The following PLPPR5 variants were observed in gnomAD, a reference collection of about 807,000 sequenced individuals.
PLPPR5 encodes the protein phospholipid phosphatase related 5.
PLPPR5 carries 16 observed loss-of-function variants against 33.9 expected under a neutral mutation model. The ratio of observed to expected loss-of-function variants is 0.47; its 90% CI spans 0.32 to 0.72. The LOEUF (loss-of-function observed/expected upper bound fraction) is 0.72, where lower values mean the gene tolerates loss of function less well. PLPPR5 is among the 30% of genes least tolerant of loss of function. The pLI, the probability that PLPPR5 is intolerant of heterozygous loss-of-function variation, is 0.03. For synonymous variants in PLPPR5, 163 were observed against 150.3 expected, an observed-to-expected ratio of 1.08 and a Z score of -0.62; for missense variants, 301 against 406.7, an observed-to-expected ratio of 0.74 and a Z score of 2.23.
rs185679472 is a variant in PLPPR5, at chr1:98,944,992, G to T, written c.621+8078C>A. On this transcript the variant is annotated intron_variant, in intron 3 of 5. Coordinates refer to ENST00000263177, the MANE Select transcript of PLPPR5 (RefSeq NM_001037317.2). ...ATCAAATGACCATGTATTCAGAGCT[G>T]CTCATTATAAGTTGTTGTTGTTTTT... 9.2e-5 allele frequency among the ~76,000 whole-genome samples: 14 copies of T among 152,324 alleles called. No individual in the cohort carries two copies. The East Asian group carries it at 2.7e-3, about 29-fold the overall frequency.
intron 5 of PLPPR5, among the ~76,000 whole-genome samples, chr1:98,895,604 A>G (rs2101130296): frequency 6.6e-6 from 1 of 152,156 alleles, no homozygotes; most frequent in South Asian, 2.1e-4. Context: ...CTATGCAAAA[A>G]TATCACCAAG....
chr1:98,950,641 T>C (rs529775522), intron 3 of PLPPR5, among the ~76,000 whole-genome samples: 2 of 152,296 alleles, frequency 1.3e-5, no homozygotes, highest in East Asian at 3.9e-4. Flanking sequence ...TGGCAAACAT[T>C]GGTTACACAG....
intron 1 of PLPPR5, among the ~76,000 whole-genome samples, chr1:98,967,080 G>A (rs1651475960): frequency 6.6e-6 from 1 of 152,074 alleles, no homozygotes; most frequent in Non-Finnish European, 1.5e-5. Context: ...TATGTTAAAA[G>A]GGATTTTTAG....
At chr1:98,934,663 G>T (rs1001724203) in intron 3 of PLPPR5, among the ~76,000 whole-genome samples, 1 of 152,148 alleles carries the variant, frequency 6.6e-6, no homozygotes, top group Non-Finnish European at 1.5e-5. Flanking sequence ...ATGTTGAAGA[G>T]CACAAATCAC....
At chr1:98,903,672 C>T (rs1053286670) in intron 5 of PLPPR5, among the ~76,000 whole-genome samples, 3 of 151,792 alleles carry the variant, frequency 2.0e-5, no homozygotes, top group East Asian at 1.9e-4. Context: ...ATGATTGTTG[C>T]GGGAGGGAAC....
chr1:98,892,934 T>A lies in PLPPR5; in HGVS notation c.*138A>T, dbSNP rs1570673600. The A allele has an allele frequency of 1.1e-5, 9 of 842,742 alleles. No homozygotes were observed. In the South Asian group the frequency reaches 1.3e-4, roughly 12 times the overall value. 52.2% of individuals were successfully genotyped at this position (842,742 alleles called of 1,614,324 possible). A position where few individuals can be genotyped will look rare whatever the true frequency, so the allele number is the denominator to read the frequency against. ...CAGTCTAGTGGGGGAAACAGATAGG[T>A]TGACATTGATTTTAAAATTATAAAA... is the stretch of plus-strand genomic sequence containing the variant. On this transcript the variant is annotated 3_prime_UTR_variant, in exon 6 of 6. Coordinates refer to ENST00000263177, the MANE Select transcript of PLPPR5 (RefSeq NM_001037317.2).
chr1:98,916,519 G>A (rs1194948188), intron 4 of PLPPR5, among the ~76,000 whole-genome samples: 1 of 152,244 alleles, frequency 6.6e-6, no homozygotes, highest in Non-Finnish European at 1.5e-5. Context: ...TGGCTTTGCA[G>A]CCTTACAACC....
In PLPPR5 at chr1:98,987,956, C is replaced by T. The variant is rs1039776945; in HGVS notation, c.237+16479G>A. 3.3e-5 allele frequency among the ~76,000 whole-genome samples: 5 copies of T among 151,914 alleles called. 1 individual carries two copies. The highest frequency in any genetic ancestry group is 6.6e-5 in the Admixed American group (1 of 15,230). ...GAAATATTTACTTTTTCTCCATAACCGATCTCTCCAGAATTTGGAAACTAT... is the reference window on the plus strand; with the variant it reads ...GAAATATTTACTTTTTCTCCATAACTGATCTCTCCAGAATTTGGAAACTAT... On this transcript the variant is annotated intron_variant, in intron 1 of 5. Coordinates refer to ENST00000263177, the MANE Select transcript of PLPPR5 (RefSeq NM_001037317.2).
intron 1 of PLPPR5, among the ~76,000 whole-genome samples, chr1:98,962,574 T>A (rs1234055378): frequency 6.6e-6 from 1 of 152,216 alleles, no homozygotes; most frequent in Non-Finnish European, 1.5e-5. Flanking sequence ...CCTTTGTGCT[T>A]CCATTTTCTC....
Position 98,914,753 on chromosome 1 carries a change from T to C in PLPPR5, c.933+33A>G, listed in dbSNP as rs1293333452. 3 of 1,573,334 alleles carry C rather than the reference T, an allele frequency of 1.9e-6. No individual in the cohort carries two copies. In the African/African-American group the frequency reaches 4.1e-5, roughly 21 times the overall value. On this transcript the variant is annotated intron_variant, in intron 5 of 5. Transcript: ENST00000263177. Reference sequence around the variant, plus strand: ...AGGAATAATGATTCATTTGCTCTAGTTATTATAATTTAGAATTTAAATTGT... The same window carrying C: ...AGGAATAATGATTCATTTGCTCTAGCTATTATAATTTAGAATTTAAATTGT...
At chr1:98,985,225 G>C (rs1273107178) in intron 1 of PLPPR5, among the ~76,000 whole-genome samples, 1 of 151,966 alleles carries the variant, frequency 6.6e-6, no homozygotes, top group African/African-American at 2.4e-5. Context: ...GGAGAGGATT[G>C]ATAATAACTG....
intron 2 of PLPPR5, among the ~76,000 whole-genome samples, chr1:98,954,194 AT>A (rs1367816018): frequency 6.6e-6 from 1 of 152,096 alleles, no homozygotes; most frequent in African/African-American, 2.4e-5. Flanking sequence ...GTTAAAACTT[AT>A]TTTTCTATTA....
intron 3 of PLPPR5, among the ~76,000 whole-genome samples, 183 bp from the exon 4 acceptor site, chr1:98,922,241 A>T (rs1184972578): frequency 6.6e-6 from 1 of 152,222 alleles, no homozygotes; most frequent in Non-Finnish European, 1.5e-5. Context: ...AAGAGTAGCA[A>T]TTATTTTGTT....
At chr1:98,943,456 G>A (rs1178649232) in intron 3 of PLPPR5, among the ~76,000 whole-genome samples, 1 of 152,120 alleles carries the variant, frequency 6.6e-6, no homozygotes, top group East Asian at 1.9e-4. Context: ...CTGAATTAGT[G>A]TCATCACGGT....
rs541305103 is a variant in PLPPR5, at chr1:98,944,432, G to A, written c.621+8638C>T. 9.8e-4 allele frequency among the ~76,000 whole-genome samples: 150 copies of A among 152,312 alleles called. 1 individual carries two copies. The highest frequency in any genetic ancestry group is 3.5e-3 in the African/African-American group (146 of 41,580). ...ACTCGCAAAGTGATGGTATTAAGAG[G>A]TGGAGTGCTTAGGTTTTGAGGTCAG... On this transcript the variant is annotated intron_variant, in intron 3 of 5. Transcript: ENST00000263177.
chr1:98,955,387 TTAAA>T (rs1457337129), intron 2 of PLPPR5, among the ~76,000 whole-genome samples: 1 of 152,160 alleles, frequency 6.6e-6, no homozygotes, highest in Non-Finnish European at 1.5e-5. Context: ...ATCAATTTCT[TTAAA>T]TAGTTTTAAT....
At chr1:98,941,485 C>A (rs1162821654) in intron 3 of PLPPR5, among the ~76,000 whole-genome samples, 1 of 150,798 alleles carries the variant, frequency 6.6e-6, no homozygotes, top group East Asian at 1.9e-4. Context: ...GTAAAATAGT[C>A]TTTCTAGAAA....
At chr1:98,925,402 A>G (rs1016132069) in intron 3 of PLPPR5, among the ~76,000 whole-genome samples, 1 of 152,190 alleles carries the variant, frequency 6.6e-6, no homozygotes, top group African/African-American at 2.4e-5. Context: ...ACAAATATCC[A>G]TTAGCACTAA....
At chr1:98,986,017 A>G (rs1457118050) in intron 1 of PLPPR5, among the ~76,000 whole-genome samples, 1 of 152,058 alleles carries the variant, frequency 6.6e-6, no homozygotes, top group Admixed American at 6.6e-5. Flanking sequence ...ATTGTTAAGA[A>G]TGAGTAAATT....
Sources: allele counts gnomAD v4.1 joint callset (sites outside exome capture counted in the v4.1 genomes callset), GRCh38; gene constraint gnomAD v4.1.1; transcripts MANE v1.5; gene names NCBI Gene and HGNC (gene_info 2026-07-23, HGNC 2026-07-21).